GLMN: variants seen among roughly 807,000 people sequenced by gnomAD.
GLMN encodes the protein glomulin, FKBP associated protein, also known as glomulin.
Under a neutral mutation model 87.8 loss-of-function variants are expected in GLMN, and 75 were observed. The observed-to-expected ratio is 0.85, with a 90% CI of 0.71 to 1.04. The LOEUF (loss-of-function observed/expected upper bound fraction) is 1.04, where lower values mean the gene tolerates loss of function less well. GLMN is among the 50% of genes least tolerant of loss of function. GLMN has a pLI of 0.00. For synonymous variants in GLMN, 206 were observed against 221.6 expected, an observed-to-expected ratio of 0.93 and a Z score of 0.63; for missense variants, 588 against 658.8, an observed-to-expected ratio of 0.89 and a Z score of 1.18.
At chr1:92,327,744 A>G in the GLMN span, among the ~76,000 whole-genome samples, 1 of 148,896 alleles carries the variant, frequency 6.7e-6, no homozygotes, top group South Asian at 2.1e-4. Flanking sequence ...TTATTGTTTT[A>G]TAGGTCCTGT....
chr1:92,324,329 G>A, the GLMN span: 11 of 1,613,820 alleles, frequency 6.8e-6, no homozygotes, highest in African/African-American at 4.0e-5. Flanking sequence ...TACAGAGGAC[G>A]GTATGTTTTG....
chr1:92,320,618 C>T, the GLMN span: 1 of 1,610,684 alleles, frequency 6.2e-7, no homozygotes, highest in Non-Finnish European at 8.5e-7. Context: ...TTTTCAACTG[C>T]TAAAGGAAGA....
upstream of GLMN, chr1:92,301,523 G>A (rs769101752): frequency 9.4e-6 from 15 of 1,597,774 alleles, no homozygotes; most frequent in East Asian, 2.3e-4. Context: ...GAATTTGAGA[G>A]AAAAGCTCTA....
At chr1:92,269,829 TAC>T in intron 8 of GLMN, 53 bp from the exon 9 acceptor site, 1 of 1,110,872 alleles carries the variant, frequency 9.0e-7, no homozygotes, top group Non-Finnish European at 1.4e-6. Flanking sequence ...CAGAGATATG[TAC>T]ACACATACAT....
chr1:92,308,161 G>A, the GLMN span, among the ~76,000 whole-genome samples: 8 of 151,982 alleles, frequency 5.3e-5, no homozygotes, highest in Non-Finnish European at 8.8e-5. Context: ...CATCAATTAT[G>A]CTGACAACAG....
chr1:92,333,359 T>C, the GLMN span: 10 of 1,516,610 alleles, frequency 6.6e-6, no homozygotes, highest in African/African-American at 9.6e-5. Flanking sequence ...AACTTATGAT[T>C]CTGTTTTGCT....
chr1:92,356,589 T>G, the GLMN span, among the ~76,000 whole-genome samples: 34 of 150,024 alleles, frequency 2.3e-4, no homozygotes, highest in African/African-American at 7.8e-4. Context: ...TGGCTAATTT[T>G]TTTTTTTTTT....
chr1:92,268,646 C>T (rs1655911903), intron 9 of GLMN, among the ~76,000 whole-genome samples: 1 of 152,272 alleles, frequency 6.6e-6, no homozygotes, highest in Admixed American at 6.5e-5. Flanking sequence ...GAATTAGTAA[C>T]TACTTGTGCC....
At chr1:92,342,310 A>C in the GLMN span, among the ~76,000 whole-genome samples, 1 of 152,192 alleles carries the variant, frequency 6.6e-6, no homozygotes, top group Non-Finnish European at 1.5e-5. Flanking sequence ...AGGTGCAAAG[A>C]CTAAACCAGG....
chr1:92,304,350 G>A, the GLMN span: 4 of 1,504,258 alleles, frequency 2.7e-6, no homozygotes, highest in South Asian at 4.8e-5. Context: ...TGAAAGAAAG[G>A]TGAGTTTAAA....
chr1:92,316,445 T>C, the GLMN span, among the ~76,000 whole-genome samples: 1 of 152,194 alleles, frequency 6.6e-6, no homozygotes, highest in Non-Finnish European at 1.5e-5. Flanking sequence ...ATATTCCAAG[T>C]GATATATATG....
rs759304056 is a variant in GLMN, at chr1:92,263,657, C to T, written c.1375G>A (p.Gly459Ser). 1.3e-6 allele frequency: 2 copies of T among 1,583,002 alleles called. No individual in the cohort carries two copies. The highest frequency in any genetic ancestry group is 2.7e-5 in the African/African-American group (2 of 74,296). Residue 459 changes from glycine to serine, a missense_variant, in exon 15 of 19, where the codon GGT becomes AGT. Physicochemically the swap from Gly to Ser is moderately conservative, Grantham distance 56. Transcript: ENST00000370360. ...TTTTGCAGTAAATCTGTTTCTGCAC[C>T]CTCTGGGAGAAAAAGTACCAAATCA... is the stretch of plus-strand genomic sequence containing the variant. ...LLDLVLFLPE[G>S]AETDLLQNSD...
the GLMN span, among the ~76,000 whole-genome samples, chr1:92,343,435 A>G: frequency 1.3e-5 from 2 of 152,180 alleles, no homozygotes; most frequent in Non-Finnish European, 2.9e-5. Flanking sequence ...TATTAAACCC[A>G]TATCTTTCAG....
At chr1:92,336,505 G>A in the GLMN span, 22 of 926,164 alleles carry the variant, frequency 2.4e-5, no homozygotes, top group African/African-American at 3.5e-4. Context: ...AAGGCACAGA[G>A]AAAGTAAGTG....
chr1:92,261,857 T>A (rs1367554386), intron 16 of GLMN, among the ~76,000 whole-genome samples: 1 of 68,306 alleles, frequency 1.5e-5, no homozygotes, highest in South Asian at 8.9e-4. Flanking sequence ...GATAGATACA[T>A]GATGAAGTTA....
At chr1:92,312,418 C>A in the GLMN span, among the ~76,000 whole-genome samples, 1 of 146,740 alleles carries the variant, frequency 6.8e-6, no homozygotes, top group Admixed American at 6.8e-5. Flanking sequence ...GACCGTGTCT[C>A]AAAAAAAAAA....
At chr1:92,261,585 C>T (rs917577879) in intron 16 of GLMN, among the ~76,000 whole-genome samples, 1 of 152,128 alleles carries the variant, frequency 6.6e-6, no homozygotes, top group Non-Finnish European at 1.5e-5. Context: ...TGAGGAACCT[C>T]TTGTGATGCT....
the GLMN span, among the ~76,000 whole-genome samples, chr1:92,351,642 A>G: frequency 6.6e-6 from 1 of 152,128 alleles, no homozygotes; most frequent in Non-Finnish European, 1.5e-5. Context: ...CTGTAACACA[A>G]GAGGTCACTG....
At chr1:92,320,711 A>C in the GLMN span, 12 of 1,172,950 alleles carry the variant, frequency 1.0e-5, no homozygotes, top group Admixed American at 2.0e-4. Context: ...AGGTGATATG[A>C]GCTCTTGGAC....
Sources: gnomAD v4.1 joint callset for allele counts (sites outside exome capture counted in the v4.1 genomes callset) on GRCh38, gnomAD v4.1.1 for gene constraint, MANE v1.5 for transcripts, NCBI Gene and HGNC (gene_info 2026-07-23, HGNC 2026-07-21) for gene names.